The following NSD1 variants were observed in gnomAD, a reference collection of about 807,000 sequenced individuals.
NSD1 encodes histone-lysine N-methyltransferase, H3 lysine-36 specific.
A neutral mutation model predicts 242.7 loss-of-function variants in NSD1; 26 were observed. The ratio of observed to expected loss-of-function variants is 0.11; its 90% CI spans 0.08 to 0.15. NSD1 has a LOEUF of 0.15. Ranked by LOEUF, NSD1 falls within the 10% of genes least tolerant of loss-of-function variation. NSD1 has a pLI of 1.00. For synonymous variants in NSD1, 1,106 were observed against 1,178.1 expected (o/e 0.94, Z 1.25); for missense variants, 2,495 against 3,272.8 (o/e 0.76, Z 5.80).
chr5:177,292,655 G>A (rs1001509554), intron 22 of NSD1, among the ~76,000 whole-genome samples: 3 of 152,160 alleles, frequency 2.0e-5, no homozygotes, highest in Non-Finnish European at 4.4e-5. Flanking sequence ...GCTCCCCTAC[G>A]CCTAGTGCAG....
At chr5:177,284,578 C>T (rs973761200) in intron 20 of NSD1, among the ~76,000 whole-genome samples, 3 of 152,202 alleles carry the variant, frequency 2.0e-5, no homozygotes, top group Non-Finnish European at 4.4e-5. Flanking sequence ...TGAGCCACCT[C>T]GCTTAGCTTG....
intron 2 of NSD1, among the ~76,000 whole-genome samples, chr5:177,170,517 A>AT (rs1376430489): frequency 2.0e-5 from 3 of 150,596 alleles, no homozygotes; most frequent in East Asian, 2.0e-4. Context: ...TGCCCGGCTA[A>AT]TTTTTTTTGT....
At chr5:177,143,836 G>A (rs1417108243) in intron 2 of NSD1, among the ~76,000 whole-genome samples, 2 of 144,268 alleles carry the variant, frequency 1.4e-5, no homozygotes, top group Non-Finnish European at 3.0e-5. Context: ...AGGCTGGAGT[G>A]CAAAATGGCA....
intron 21 of NSD1, among the ~76,000 whole-genome samples, chr5:177,290,820 G>A (rs1336746076): frequency 6.6e-6 from 1 of 152,190 alleles, no homozygotes; most frequent in African/African-American, 2.4e-5. Flanking sequence ...TGGTTTAACG[G>A]TGTTGTTCCT....
intron 2 of NSD1, among the ~76,000 whole-genome samples, chr5:177,163,289 C>A (rs139914235): frequency 6.6e-6 from 1 of 151,956 alleles, no homozygotes. Context: ...ACTACAGGCA[C>A]GCATCACCAT....
chr5:177,278,053 T>C (rs866593584), intron 17 of NSD1, among the ~76,000 whole-genome samples: 2 of 152,220 alleles, frequency 1.3e-5, no homozygotes, highest in Non-Finnish European at 2.9e-5. Flanking sequence ...TTATGCCTTA[T>C]GGCTTCCAGT....
chr5:177,192,135 G>T (rs1761739268), intron 3 of NSD1, 116 bp downstream of exon 3: 3 of 885,484 alleles, frequency 3.4e-6, no homozygotes, highest in Admixed American at 3.0e-5. Context: ...ATGAATTGGT[G>T]TTACATATTT....
chr5:177,254,641 C>G (rs1187684330), intron 12 of NSD1, among the ~76,000 whole-genome samples: 5 of 152,160 alleles, frequency 3.3e-5, no homozygotes, highest in Admixed American at 2.0e-4. Context: ...CTCAGATGAT[C>G]CACCTGCTTT....
At chr5:177,180,071 T>A (rs768758848) in intron 2 of NSD1, among the ~76,000 whole-genome samples, 1 of 151,488 alleles carries the variant, frequency 6.6e-6, no homozygotes, top group Non-Finnish European at 1.5e-5. Context: ...TGGCTAATTT[T>A]TGTTTTTTTA....
intron 12 of NSD1, among the ~76,000 whole-genome samples, chr5:177,252,875 G>C (rs71601349): frequency 2.7e-5 from 4 of 149,036 alleles, no homozygotes; most frequent in East Asian, 2.0e-4. Context: ...CTGAGGTATA[G>C]ATCTTATGCC....
chr5:177,182,478 G>A (rs577664520), intron 2 of NSD1, among the ~76,000 whole-genome samples: 5 of 152,072 alleles, frequency 3.3e-5, no homozygotes, highest in Non-Finnish European at 7.4e-5. Flanking sequence ...CCAGGCTCAA[G>A]TACAGTGATA....
At chr5:177,242,930 G>T (rs1463416910) in intron 8 of NSD1, among the ~76,000 whole-genome samples, 1 of 152,140 alleles carries the variant, frequency 6.6e-6, no homozygotes, top group Non-Finnish European at 1.5e-5. Context: ...ATTTGCTTGG[G>T]GTGGAACTAA....
At chr5:177,241,251 CT>C (rs1765838356) in intron 8 of NSD1, among the ~76,000 whole-genome samples, 1 of 151,738 alleles carries the variant, frequency 6.6e-6, no homozygotes, top group African/African-American at 2.4e-5. Flanking sequence ...AATCCCAGCA[CT>C]TTGGGAGGCC....
intron 5 of NSD1, among the ~76,000 whole-genome samples, chr5:177,224,701 G>A (rs1295187498): frequency 6.7e-6 from 1 of 149,980 alleles, no homozygotes; most frequent in Non-Finnish European, 1.5e-5. Context: ...ACTTACCCTG[G>A]CTAGAGCCTC....
At chr5:177,212,692 T>C (rs1321743709) in intron 5 of NSD1, among the ~76,000 whole-genome samples, 1 of 152,100 alleles carries the variant, frequency 6.6e-6, no homozygotes, top group Admixed American at 6.6e-5. Flanking sequence ...TGCAAGTAAT[T>C]GAGAGGCTCC....
At position 177,164,903 on chromosome 5, in the gene NSD1, G is replaced by A. The variant is rs188351021; in HGVS notation, c.928-26981G>A. Among the ~76,000 whole-genome samples, 164 of 151,014 alleles carry A rather than the reference G, an allele frequency of 1.1e-3. 1 individual carries two copies. The highest frequency in any genetic ancestry group is 3.7e-3 in the African/African-American group (152 of 41,124). On this transcript the variant is annotated intron_variant, in intron 2 of 22. Transcript: ENST00000439151. Reference sequence around the variant, plus strand: ...GGTTACAGTGAGCCGAGATCCTGCCGCTGCATTGAAGCCTGGGTGAGAAGA... The same window carrying A: ...GGTTACAGTGAGCCGAGATCCTGCCACTGCATTGAAGCCTGGGTGAGAAGA...
rs2149887173 is a variant in NSD1, at chr5:177,238,250, G to A, written c.3935G>A (p.Cys1312Tyr). The A allele has an allele frequency of 1.2e-6, 2 of 1,614,134 alleles. No individual in the cohort carries two copies. The highest frequency in any genetic ancestry group is 1.7e-6 in the Non-Finnish European group (2 of 1,180,038). Reference protein sequence around the residue: ...QEQVHKVSSRCEEESLLARGR... With the variant: ...QEQVHKVSSRYEEESLLARGR... Reference sequence around the variant, plus strand: ...TTTTGTTCTTAGGTAAGTTCCCGCTGTGAAGAGGAAAGCCTTCTAGCCCGA... The same window carrying A: ...TTTTGTTCTTAGGTAAGTTCCCGCTATGAAGAGGAAAGCCTTCTAGCCCGA... The change falls in exon 7 of 23, where the codon TGT becomes TAT. Residue 1312 changes from cysteine (C) to tyrosine (Y), a missense_variant. Cys to Tyr is a radical substitution (Grantham distance 194). Transcript: ENST00000439151. The surrounding 1 kb of genome is among the most constrained non-coding windows in gnomAD (Gnocchi z 4.6).
intron 2 of NSD1, among the ~76,000 whole-genome samples, chr5:177,175,093 G>T (rs1760082079): frequency 6.6e-6 from 1 of 151,038 alleles, no homozygotes; most frequent in Admixed American, 6.6e-5. Context: ...AGATGGTCTC[G>T]ATCTCCTGAC....
chr5:177,237,276 A>C (rs1379504351), intron 6 of NSD1, among the ~76,000 whole-genome samples: 1 of 152,108 alleles, frequency 6.6e-6, no homozygotes, highest in Non-Finnish European at 1.5e-5. Context: ...TCTTTCATTA[A>C]TTGGACTCTG....
Sources: gnomAD v4.1 joint callset for allele counts (sites outside exome capture counted in the v4.1 genomes callset) on GRCh38, gnomAD v4.1.1 for gene constraint, Gnocchi (gnomAD v3.1) non-coding constraint, MANE v1.5 for transcripts, NCBI Gene and HGNC (gene_info 2026-07-23, HGNC 2026-07-21) for gene names.